SSH2: variants seen among roughly 807,000 people sequenced by gnomAD.
The protein encoded by SSH2 is slingshot protein phosphatase 2.
In SSH2, 37 loss-of-function variants were observed where a neutral mutation model predicts 135.2. That is an observed-to-expected ratio of 0.27 (90% CI 0.21 to 0.36). The LOEUF (loss-of-function observed/expected upper bound fraction) is 0.36. Ranked by LOEUF, SSH2 falls within the 10% of genes least tolerant of loss-of-function variation. SSH2 has a pLI of 1.00. For missense variants in SSH2, 1,408 were observed against 1,765.3 expected (o/e 0.80, Z 3.63); for synonymous variants, 628 against 646.2 (o/e 0.97, Z 0.43).
At chr17:29,739,548 A>C (rs1159312615) in intron 3 of SSH2, among the ~76,000 whole-genome samples, 1 of 152,228 alleles carries the variant, frequency 6.6e-6, no homozygotes, top group Non-Finnish European at 1.5e-5. Context: ...ATCAGGCTGA[A>C]GATTACGTAT....
chr17:29,910,841 T>C (rs1468721275), intron 1 of SSH2, among the ~76,000 whole-genome samples: 1 of 152,252 alleles, frequency 6.6e-6, no homozygotes, highest in African/African-American at 2.4e-5. Flanking sequence ...AAAAATAAAA[T>C]TTGCTTATTA....
At chr17:29,885,608 A>T (rs994810108) in intron 1 of SSH2, among the ~76,000 whole-genome samples, 2 of 152,182 alleles carry the variant, frequency 1.3e-5, no homozygotes, top group Non-Finnish European at 2.9e-5. Context: ...ACCAATGACC[A>T]ATGATTTAAT....
chr17:29,634,743 G>A (rs986983956), intron 15 of SSH2, among the ~76,000 whole-genome samples: 8 of 151,882 alleles, frequency 5.3e-5, no homozygotes, highest in African/African-American at 1.2e-4. Context: ...AGTAGAGATG[G>A]GGTTTCACCA....
chr17:29,743,907 C>CTTTTTTTTTTTTTT (rs59540894), intron 3 of SSH2, among the ~76,000 whole-genome samples: 1 of 99,864 alleles, frequency 1.0e-5, no homozygotes, highest in Non-Finnish European at 2.0e-5. Flanking sequence ...TTCTTTTTTC[C>CTTTTTTTTTTTTTT]TTTTTTTTTT....
chr17:29,837,677 G>A (rs2042966097), intron 2 of SSH2, among the ~76,000 whole-genome samples: 1 of 152,234 alleles, frequency 6.6e-6, no homozygotes, highest in Non-Finnish European at 1.5e-5. Context: ...CCAGGAGCCT[G>A]TGAGAACCCA....
At chr17:29,906,926 A>G (rs1315788605) in intron 1 of SSH2, among the ~76,000 whole-genome samples, 3 of 152,262 alleles carry the variant, frequency 2.0e-5, no homozygotes, top group African/African-American at 7.2e-5. Flanking sequence ...AGTGTAAATT[A>G]GTTCAACCAT....
intron 2 of SSH2, among the ~76,000 whole-genome samples, chr17:29,802,776 T>C (rs2042274053): frequency 6.6e-6 from 1 of 151,968 alleles, no homozygotes; most frequent in African/African-American, 2.4e-5. Flanking sequence ...GGTACAGGTA[T>C]TGGGGGTTAA....
chr17:29,770,810 T>G (rs1162299071), intron 3 of SSH2, among the ~76,000 whole-genome samples: 1 of 152,212 alleles, frequency 6.6e-6, no homozygotes, highest in Admixed American at 6.5e-5. Flanking sequence ...GTTCCCATTC[T>G]GAGACCACTT....
chr17:29,754,035 C>A (rs552919474), intron 3 of SSH2, among the ~76,000 whole-genome samples: 118 of 152,256 alleles, frequency 7.8e-4, no homozygotes, highest in African/African-American at 2.8e-3. Flanking sequence ...TACCATCAAG[C>A]CATGTAGCCT....
At chr17:29,849,959 G>C (rs566969458) in intron 1 of SSH2, among the ~76,000 whole-genome samples, 1 of 147,508 alleles carries the variant, frequency 6.8e-6, no homozygotes, top group East Asian at 2.0e-4. Flanking sequence ...GAACCCAGGG[G>C]GCGGAGGTTT....
At chr17:29,750,274 C>A (rs2040887493) in intron 3 of SSH2, among the ~76,000 whole-genome samples, 2 of 150,598 alleles carry the variant, frequency 1.3e-5, no homozygotes, top group Non-Finnish European at 3.0e-5. Context: ...CCCATCTCTA[C>A]CACAAAATAT....
chr17:29,863,982 A>G (rs1198540395), intron 1 of SSH2: 1 of 152,174 alleles, frequency 6.6e-6, no homozygotes, highest in Non-Finnish European at 1.5e-5. Context: ...GACAGCTACC[A>G]TAGGTAAAGC....
chr17:29,705,001 G>A (rs575210861), intron 3 of SSH2, among the ~76,000 whole-genome samples: 1 of 152,182 alleles, frequency 6.6e-6, no homozygotes. Flanking sequence ...AACTGGCAAT[G>A]TTAAATTGAC....
intron 5 of SSH2, among the ~76,000 whole-genome samples, chr17:29,694,118 G>A (rs745620915): frequency 6.6e-6 from 1 of 152,056 alleles, no homozygotes; most frequent in East Asian, 1.9e-4. Flanking sequence ...ATCAGCTATC[G>A]TTAGTGTATT....
chr17:29,842,440 T>G (rs2043058650), intron 2 of SSH2, among the ~76,000 whole-genome samples: 4 of 134,740 alleles, frequency 3.0e-5, no homozygotes, highest in African/African-American at 2.8e-5. Flanking sequence ...GGCGACAGAG[T>G]GAGACTCAGT....
At chr17:29,915,940 A>G (rs1379952058) in intron 1 of SSH2, among the ~76,000 whole-genome samples, 1 of 150,318 alleles carries the variant, frequency 6.7e-6, no homozygotes, top group African/African-American at 2.4e-5. Flanking sequence ...TTAACTCGTC[A>G]TTTACATTAG....
At chr17:29,635,330 C>G (rs758448594) in intron 15 of SSH2, among the ~76,000 whole-genome samples, 1 of 152,202 alleles carries the variant, frequency 6.6e-6, no homozygotes, top group Non-Finnish European at 1.5e-5. Flanking sequence ...TTCTCAGAGA[C>G]ACAGCTCTCA....
chr17:29,843,901 G>A (rs1162780652), intron 2 of SSH2, among the ~76,000 whole-genome samples: 4 of 152,090 alleles, frequency 2.6e-5, no homozygotes, highest in Non-Finnish European at 5.9e-5. Context: ...AAATCCCATA[G>A]AAGCTGATTA....
At chr17:29,820,809 C>A (rs2042638469) in intron 2 of SSH2, among the ~76,000 whole-genome samples, 1 of 152,180 alleles carries the variant, frequency 6.6e-6, no homozygotes, top group African/African-American at 2.4e-5. Context: ...TACTAGAAAA[C>A]TAGCTAGAAA....
Sources: gnomAD v4.1 joint callset for allele counts (sites outside exome capture counted in the v4.1 genomes callset) on GRCh38, gnomAD v4.1.1 for gene constraint, MANE v1.5 for transcripts, NCBI Gene and HGNC (gene_info 2026-07-23, HGNC 2026-07-21) for gene names.